The following CKAP5 variants were observed in gnomAD, a reference collection of about 807,000 sequenced individuals.
The protein encoded by CKAP5 is cytoskeleton-associated protein 5.
In CKAP5, 27 loss-of-function variants were observed where a neutral mutation model predicts 232.8. The observed-to-expected ratio is 0.12, with a 90% CI of 0.09 to 0.16. The LOEUF is 0.16. Among genes scored for constraint, CKAP5 ranks in the 10% least tolerant of loss-of-function variants. CKAP5 has a pLI of 1.00. For synonymous variants in CKAP5, 785 were observed against 841.1 expected, an observed-to-expected ratio of 0.93 and a Z score of 1.16; for missense variants, 1,838 against 2,424.7, an observed-to-expected ratio of 0.76 and a Z score of 5.08.
intron 1 of CKAP5, among the ~76,000 whole-genome samples, chr11:46,832,367 G>T (rs1299400578): frequency 1.3e-5 from 2 of 151,980 alleles, no homozygotes; most frequent in Non-Finnish European, 2.9e-5. Flanking sequence ...TTCATTTTTA[G>T]AATCTTTCAC....
intron 13 of CKAP5, among the ~76,000 whole-genome samples, chr11:46,793,747 AC>A (rs1172011715): frequency 1.3e-5 from 2 of 152,104 alleles, no homozygotes; most frequent in Non-Finnish European, 2.9e-5. Context: ...ACACGGCAAA[AC>A]CCCATCTCTA....
At chr11:46,766,102 T>C (rs995964263) in intron 27 of CKAP5, among the ~76,000 whole-genome samples, 2 of 152,150 alleles carry the variant, frequency 1.3e-5, no homozygotes, top group Non-Finnish European at 1.5e-5. Context: ...TAGTAAACAA[T>C]AGTACACATA....
intron 1 of CKAP5, among the ~76,000 whole-genome samples, chr11:46,825,041 T>C (rs1449174990): frequency 2.0e-5 from 3 of 152,226 alleles, no homozygotes; most frequent in Non-Finnish European, 4.4e-5. Flanking sequence ...TATAATCATA[T>C]ACCACTGATC....
intron 7 of CKAP5, among the ~76,000 whole-genome samples, chr11:46,808,849 CCAA>C (rs1167448386): frequency 6.6e-6 from 1 of 152,170 alleles, no homozygotes; most frequent in Non-Finnish European, 1.5e-5. Flanking sequence ...AATCACATAA[CCAA>C]CAACCCACTA....
At chr11:46,766,659 C>A (rs1038583783) in intron 27 of CKAP5, among the ~76,000 whole-genome samples, 3 of 152,060 alleles carry the variant, frequency 2.0e-5, no homozygotes, top group African/African-American at 7.2e-5. Context: ...CACAGTTTTG[C>A]AATTTTCCTT....
chr11:46,779,470 T>A (rs1257761786), intron 20 of CKAP5, among the ~76,000 whole-genome samples: 1 of 151,744 alleles, frequency 6.6e-6, no homozygotes, highest in South Asian at 2.1e-4. Flanking sequence ...CCATGGATAC[T>A]TTATTGTGCA....
chr11:46,774,513 A>C (rs1002193431), intron 24 of CKAP5, among the ~76,000 whole-genome samples: 2 of 152,232 alleles, frequency 1.3e-5, no homozygotes, highest in Admixed American at 6.5e-5. Context: ...GGAACCAAAA[A>C]AGAGCCTGTA....
intron 36 of CKAP5, 129 bp downstream of exon 36, chr11:46,754,758 AT>A: frequency 1.4e-6 from 1 of 701,728 alleles, no homozygotes; most frequent in Non-Finnish European, 2.4e-6. Flanking sequence ...GTAGCTTGCT[AT>A]ATACAATGCA....
chr11:46,776,401 T>A lies in CKAP5; in HGVS notation c.2863-18A>T. The A allele has an allele frequency of 6.2e-7, 1 of 1,600,348 alleles. No individual in the cohort carries two copies. The highest frequency in any genetic ancestry group is 8.5e-7 in the Non-Finnish European group (1 of 1,173,460). ...ACATTGTTCTAAATGGAGAAGATAATCAGCAAAAATAATATCTACTACAGT... is the reference window on the plus strand; with the variant it reads ...ACATTGTTCTAAATGGAGAAGATAAACAGCAAAAATAATATCTACTACAGT... On this transcript the variant is annotated intron_variant, in intron 23 of 43. Transcript: ENST00000529230.
At chr11:46,754,767 G>A in intron 36 of CKAP5, 121 bp downstream of exon 36, 1 of 753,986 alleles carries the variant, frequency 1.3e-6, no homozygotes, top group Non-Finnish European at 2.2e-6. Flanking sequence ...TATATACAAT[G>A]CATGTAAAAT....
At chr11:46,834,348 A>G (rs558696766) in intron 1 of CKAP5, among the ~76,000 whole-genome samples, 1 of 151,852 alleles carries the variant, frequency 6.6e-6, no homozygotes, top group Non-Finnish European at 1.5e-5. Flanking sequence ...GTGAAACCCT[A>G]TCTCTACTAA....
intron 42 of CKAP5, among the ~76,000 whole-genome samples, chr11:46,749,927 CAAA>C (rs1165122275): frequency 4.0e-5 from 3 of 74,716 alleles, no homozygotes. Flanking sequence ...AACTCCATCT[CAAA>C]AAAAAAAAAA....
chr11:46,828,729 G>A (rs1420503933), intron 1 of CKAP5, among the ~76,000 whole-genome samples: 3 of 152,052 alleles, frequency 2.0e-5, no homozygotes, highest in African/African-American at 7.2e-5. Context: ...TTAAAAATTA[G>A]AGAAAAAAAT....
At chr11:46,786,550 C>T (rs2065395839) in intron 16 of CKAP5, among the ~76,000 whole-genome samples, 1 of 152,224 alleles carries the variant, frequency 6.6e-6, no homozygotes, top group Non-Finnish European at 1.5e-5. Flanking sequence ...AACTGTTTAA[C>T]ATCTAACATC....
In CKAP5 at chr11:46,760,707, T is replaced by A; in HGVS notation, c.4299A>T (p.Lys1433Asn). Reference sequence around the variant, plus strand: ...CACGCTGAGGTTTCTCTTCCACCTGTTTTATTGGTGCAGCAGAGGGTCTCT... The same window carrying A: ...CACGCTGAGGTTTCTCTTCCACCTGATTTATTGGTGCAGCAGAGGGTCTCT... ...SAKRPSAAPIKQVEEKPQRAQ... is the reference protein window; with the variant it reads ...SAKRPSAAPINQVEEKPQRAQ... The change falls in exon 33 of 44, where the codon AAA (lysine) becomes AAT (asparagine). Residue 1433 changes from lysine to asparagine, a missense_variant. Lys to Asn is a moderately conservative substitution (Grantham distance 94). Transcript: ENST00000529230. 6.2e-7 allele frequency: 1 copy of A among 1,614,228 alleles called. No individual in the cohort carries two copies. The highest frequency in any genetic ancestry group is 8.5e-7 in the Non-Finnish European group (1 of 1,180,018).
chr11:46,794,319 CTG>C (rs1171391217), intron 13 of CKAP5, among the ~76,000 whole-genome samples: 2 of 152,042 alleles, frequency 1.3e-5, no homozygotes, highest in African/African-American at 4.8e-5. Context: ...AAAAAATCAG[CTG>C]TGTGTGGTGG....
Position 46,809,850 on chromosome 11 carries a change from C to G in CKAP5, c.655G>C (p.Val219Leu). 1 of 1,610,702 alleles carries G rather than the reference C, an allele frequency of 6.2e-7. No individual in the cohort carries two copies. The change falls in exon 6 of 44, where the codon GTC (valine) becomes CTC (leucine). Residue 219 changes from valine to leucine, a missense_variant. By Grantham distance (32) the Val-to-Leu change is conservative. Coordinates refer to ENST00000529230, the MANE Select transcript of CKAP5 (RefSeq NM_001008938.4). ...CTAGGAGCACTTGTTGGCAGTTTGA[C>G]CCATTCTTCTTCTAGTTCTTTCAAC... ...VQLKELEEEW[V>L]KLPTSAPRPT...
intron 18 of CKAP5, among the ~76,000 whole-genome samples, chr11:46,780,844 G>A (rs568575729): frequency 2.6e-4 from 40 of 152,048 alleles, no homozygotes; most frequent in African/African-American, 9.2e-4. Flanking sequence ...GGCTGGTCTC[G>A]CACTCCTTAC....
intron 1 of CKAP5, among the ~76,000 whole-genome samples, chr11:46,833,845 CTATATTATTAT>C (rs1473828017): frequency 3.3e-5 from 5 of 151,870 alleles, no homozygotes; most frequent in Non-Finnish European, 5.9e-5. Flanking sequence ...GCTATCATTA[CTATATTATTAT>C]TATATTATTA....
Sources: allele counts gnomAD v4.1 joint callset (sites outside exome capture counted in the v4.1 genomes callset), GRCh38; gene constraint gnomAD v4.1.1; transcripts MANE v1.5; gene names NCBI Gene and HGNC (gene_info 2026-07-23, HGNC 2026-07-21).